Variants in SRPX observed in about 807,000 individuals in gnomAD.
The protein encoded by SRPX is sushi repeat containing protein X-linked.
SRPX carries 24 observed loss-of-function variants against 38.1 expected under a neutral mutation model. The observed-to-expected ratio is 0.63, with a 90% CI of 0.46 to 0.89. The LOEUF (loss-of-function observed/expected upper bound fraction) is 0.89, where lower values mean the gene tolerates loss of function less well. Ranked by LOEUF, SRPX falls within the 40% of genes least tolerant of loss-of-function variation. The pLI is 0.00. For synonymous variants in SRPX, 184 were observed against 153.8 expected (o/e 1.20, Z -1.45); for missense variants, 416 against 377.8 (o/e 1.10, Z -0.84).
intron 1 of SRPX, among the ~76,000 whole-genome samples, chrX:38,209,086 C>T (rs1379464498): frequency 9.2e-6 from 1 of 108,937 alleles, no homozygotes; most frequent in Admixed American, 9.9e-5. Flanking sequence ...TCAGAGGATA[C>T]TTTCAGCTCA....
intron 1 of SRPX, among the ~76,000 whole-genome samples, chrX:38,178,950 T>C (rs1265563991): frequency 1.0e-5 from 1 of 100,457 alleles, no homozygotes; most frequent in Non-Finnish European, 2.1e-5. Flanking sequence ...AAATTTCTTT[T>C]TTTTTTTTTT....
chrX:38,184,583 T>C (rs181358982), intron 1 of SRPX, among the ~76,000 whole-genome samples: 8 of 111,852 alleles, frequency 7.2e-5, no homozygotes, highest in Admixed American at 6.6e-4. Flanking sequence ...TTTTGGTACA[T>C]GCTTTTGATA....
At chrX:38,212,609 A>C (rs1306692675) in intron 1 of SRPX, among the ~76,000 whole-genome samples, 1 of 111,712 alleles carries the variant, frequency 9.0e-6, no homozygotes, top group Non-Finnish European at 1.9e-5. Flanking sequence ...AGTTCACCAC[A>C]GATGCTGCTG....
At chrX:38,175,651 G>A (rs1376461347) in intron 2 of SRPX, among the ~76,000 whole-genome samples, 1 of 111,107 alleles carries the variant, frequency 9.0e-6, no homozygotes, top group African/African-American at 3.3e-5. Flanking sequence ...CCAAGTAGCT[G>A]GAACTACAGG....
chrX:38,219,045 G>A (rs1217428659), intron 1 of SRPX, among the ~76,000 whole-genome samples: 1 of 100,316 alleles, frequency 1.0e-5, no homozygotes, highest in Non-Finnish European at 2.2e-5. Context: ...GGCTGGCAGA[G>A]GGAGCCAGGA....
At chrX:38,172,101 T>A in intron 3 of SRPX, 44 bp from the exon 4 acceptor site, 2 of 1,159,855 alleles carry the variant, frequency 1.7e-6, no homozygotes, top group Non-Finnish European at 2.3e-6. Context: ...TTAGTTTTTG[T>A]CTATAGAGTT....
intron 4 of SRPX, among the ~76,000 whole-genome samples, chrX:38,166,838 A>G (rs1423368477): frequency 8.9e-6 from 1 of 111,831 alleles, no homozygotes; most frequent in Admixed American, 9.5e-5. Flanking sequence ...TCTGGATGAT[A>G]CATTGTTGTT....
intron 2 of SRPX, among the ~76,000 whole-genome samples, chrX:38,176,680 C>T (rs1476600278): frequency 2.7e-5 from 3 of 111,457 alleles, no homozygotes; most frequent in African/African-American, 6.5e-5. Flanking sequence ...GTAGTCCCAG[C>T]TACCTGGGAG....
At chrX:38,211,763 C>G (rs1189124990) in intron 1 of SRPX, among the ~76,000 whole-genome samples, 2 of 110,809 alleles carry the variant, frequency 1.8e-5, no homozygotes, top group Non-Finnish European at 3.8e-5. Context: ...TACTACTTAC[C>G]CAACTCCCTG....
chrX:38,176,474 A>C (rs949787470), intron 2 of SRPX, among the ~76,000 whole-genome samples: 2 of 112,279 alleles, frequency 1.8e-5, no homozygotes, highest in African/African-American at 6.5e-5. Context: ...CTCACTTAAT[A>C]ATGGCTTGTC....
Position 38,164,804 on chromosome X carries a change from G to T in SRPX, c.618C>A (p.Pro206=). 8.3e-7 allele frequency: 1 copy of T among 1,210,184 alleles called. No homozygotes were observed. Among genetic ancestry groups the T allele is most frequent in the Non-Finnish European group, 1.1e-6 (1 of 894,586 alleles). ...KLTVRVSWET[P]EGRDTADGIL... ...TTCCATCTGCTGTGTCTCTTCCTTC[G>T]GGTGTCTCCCAGGACACCCGGACTG... The change falls in exon 5 of 10, where the codon CCC becomes CCA. Residue 206 remains proline, a synonymous_variant. Coordinates refer to ENST00000378533, the MANE Select transcript of SRPX (RefSeq NM_006307.5).
chrX:38,151,252 A>G (rs73469641), intron 9 of SRPX, among the ~76,000 whole-genome samples: 1,777 of 112,288 alleles, frequency 0.016, 12 homozygotes, highest in Middle Eastern at 0.028. Flanking sequence ...GCTCAGAAGT[A>G]GATGACTGCA....
intron 1 of SRPX, among the ~76,000 whole-genome samples, chrX:38,216,320 A>G (rs1031357515): frequency 1.8e-5 from 2 of 112,906 alleles, no homozygotes; most frequent in East Asian, 2.8e-4. Context: ...GCTACGAGAG[A>G]GAAGAAATTG....
Position 38,176,173 on chromosome X carries a change from G to C in SRPX, c.158-1822C>G, listed in dbSNP as rs757302388. Among the ~76,000 whole-genome samples the C allele has an allele frequency of 2.7e-5, 3 of 111,214 alleles. No individual in the cohort carries two copies. In the South Asian group the frequency reaches 1.2e-3, roughly 43 times the overall value. The stretch of plus-strand genomic sequence containing the variant: ...TCTCTCTCAAAATATCTAATATTTT[G>C]GGGCTGCGGTTGACTGAAGGTAAAT... On this transcript the variant is annotated intron_variant, in intron 2 of 9. Coordinates refer to ENST00000378533, the MANE Select transcript of SRPX (RefSeq NM_006307.5).
rs189921723 is a variant in SRPX at position 38,157,390 on chromosome X, C to T, written c.956-361G>A. On this transcript the variant is annotated intron_variant, in intron 7 of 9. Coordinates refer to ENST00000378533, the MANE Select transcript of SRPX (RefSeq NM_006307.5). ...TCTAGGGGAGAATCTGATTTCTTGTCTTTTTCAGCATCGAGAGGCCACATT... is the reference window on the plus strand; with the variant it reads ...TCTAGGGGAGAATCTGATTTCTTGTTTTTTTCAGCATCGAGAGGCCACATT... 3.6e-5 allele frequency among the ~76,000 whole-genome samples: 4 copies of T among 111,209 alleles called. No homozygotes were observed. In the South Asian group the frequency reaches 1.2e-3, roughly 32 times the overall value.
Position 38,149,734 on chromosome X carries a change from T to G in SRPX, c.1372A>C (p.Met458Leu). The G allele has an allele frequency of 8.3e-7, 1 of 1,210,813 alleles. No homozygotes were observed. Among genetic ancestry groups the G allele is most frequent in the Non-Finnish European group, 1.1e-6 (1 of 895,115 alleles). Residue 458 changes from methionine to leucine, a missense_variant, in exon 10 of 10, where the codon ATG (methionine) becomes CTG (leucine). Transcript: ENST00000378533. ...TGTCAGGTGTTACAGGTCTGGCTCATTTCGGCTTGTAGGACCATCTCTTCT... is the reference window on the plus strand; with the variant it reads ...TGTCAGGTGTTACAGGTCTGGCTCAGTTCGGCTTGTAGGACCATCTCTTCT... The part of the protein sequence containing the change: ...RKEEMVLQAE[M>L]SQTCNT
intron 1 of SRPX, among the ~76,000 whole-genome samples, chrX:38,198,846 A>G (rs1939049484): frequency 9.0e-6 from 1 of 111,427 alleles, no homozygotes; most frequent in African/African-American, 3.3e-5. Flanking sequence ...CTCGTAATAA[A>G]TATTTTATTT....
At chrX:38,167,166 A>T (rs949590292) in intron 4 of SRPX, among the ~76,000 whole-genome samples, 1 of 112,057 alleles carries the variant, frequency 8.9e-6, no homozygotes, top group Non-Finnish European at 1.9e-5. Flanking sequence ...TCATTTATAG[A>T]CTGGGAAGAA....
intron 1 of SRPX, among the ~76,000 whole-genome samples, chrX:38,215,245 T>C (rs920066674): frequency 8.9e-6 from 1 of 111,796 alleles, no homozygotes; most frequent in Non-Finnish European, 1.9e-5. Context: ...TGGAGAACAA[T>C]GCATAAAGAA....
Sources: allele counts gnomAD v4.1 joint callset (sites outside exome capture counted in the v4.1 genomes callset), GRCh38; gene constraint gnomAD v4.1.1; transcripts MANE v1.5; gene names NCBI Gene and HGNC (gene_info 2026-07-23, HGNC 2026-07-21).